ZYG11A: variants seen among roughly 807,000 people sequenced by gnomAD.
ZYG11A encodes protein zyg-11 homolog A.
Under a neutral mutation model 77.2 loss-of-function variants are expected in ZYG11A, and 62 were observed. That is an observed-to-expected ratio of 0.80 (90% CI 0.65 to 0.99). ZYG11A has a LOEUF of 0.99. Among genes scored for constraint, ZYG11A ranks in the 50% least tolerant of loss-of-function variants. ZYG11A has a pLI of 0.00. For missense variants in ZYG11A, 828 were observed against 896.8 expected, an observed-to-expected ratio of 0.92 and a Z score of 0.98; for synonymous variants, 315 against 324.6, an observed-to-expected ratio of 0.97 and a Z score of 0.32.
chr1:52,850,532 C>T (rs1395386412), intron 1 of ZYG11A, among the ~76,000 whole-genome samples: 2 of 151,930 alleles, frequency 1.3e-5, no homozygotes, highest in Non-Finnish European at 1.5e-5. Flanking sequence ...GTTGGCCAGG[C>T]TGGTCTCGAA....
rs386366962 is a variant in ZYG11A, at chr1:52,886,699, A to ATTTTT, written c.2007-233_2007-229dup. On this transcript the variant is annotated intron_variant, in intron 12 of 13. Transcript: ENST00000371528. ...AGGCGTGTGCCACCAGGCCCAGCTA[A>ATTTTT]TTTTTTTTTTTTTTTTTTTTTTTTT... 7.6e-3 allele frequency among the ~76,000 whole-genome samples: 528 copies of ATTTTT among 69,128 alleles called. 93 individuals carry two copies. The highest frequency in any genetic ancestry group is 0.018 in the African/African-American group (278 of 15,540). 45.4% of individuals were successfully genotyped at this position (69,128 alleles called of 152,430 possible). A position where few individuals can be genotyped will look rare whatever the true frequency, so the allele number is the denominator to read the frequency against.
intron 13 of ZYG11A, among the ~76,000 whole-genome samples, chr1:52,890,230 A>AG (rs1266695445): frequency 1.4e-5 from 2 of 146,002 alleles, no homozygotes; most frequent in African/African-American, 5.1e-5. Context: ...AGCATTTGGG[A>AG]GAAAAATATT....
chr1:52,892,993 A>G lies in ZYG11A; in HGVS notation c.*36A>G, dbSNP rs753716842. On this transcript the variant is annotated 3_prime_UTR_variant, in exon 14 of 14. Coordinates refer to ENST00000371528, the MANE Select transcript of ZYG11A (RefSeq NM_001004339.3). The stretch of plus-strand genomic sequence containing the variant: ...TTTCAGAGGTGTGTGCTCTTCCTCA[A>G]TGTCAGGTGTTCTGCCCTGGCAGTA... 44 of 1,532,140 alleles carry G rather than the reference A, an allele frequency of 2.9e-5. No individual in the cohort carries two copies. Among genetic ancestry groups the G allele is most frequent in the South Asian group, 9.6e-5 (8 of 82,906 alleles). 94.9% of individuals were successfully genotyped at this position (1,532,140 alleles called of 1,614,324 possible).
At position 52,866,580 on chromosome 1, in the gene ZYG11A, C is replaced by T; in HGVS notation, c.1391+13C>T. Reference sequence around the variant, plus strand: ...TTCCATTTGACAGGCAAGTATAAGACTTGGTCATTTGACTGGGGTGTTGGC... The same window carrying T: ...TTCCATTTGACAGGCAAGTATAAGATTTGGTCATTTGACTGGGGTGTTGGC... On this transcript the variant is annotated intron_variant, in intron 6 of 13. Transcript: ENST00000371528. The T allele has an allele frequency of 6.6e-7, 1 of 1,516,958 alleles. No individual in the cohort carries two copies. Among genetic ancestry groups the T allele is most frequent in the Non-Finnish European group, 9.0e-7 (1 of 1,116,654 alleles). The allele number at this position is 1,516,958 out of a possible 1,614,324, so 94.0% of individuals were successfully genotyped here. A position where few individuals can be genotyped will look rare whatever the true frequency, so the allele number is the denominator to read the frequency against.
intron 3 of ZYG11A, among the ~76,000 whole-genome samples, chr1:52,859,360 G>C (rs1645878733): frequency 6.6e-6 from 1 of 151,672 alleles, no homozygotes; most frequent in Non-Finnish European, 1.5e-5. Context: ...TTTTGAGACG[G>C]AGTCTTGCTC....
rs932579358 is a variant in ZYG11A at position 52,842,941 on chromosome 1, C to T, written c.58C>T (p.Gln20Ter). 1.3e-6 allele frequency: 2 copies of T among 1,530,002 alleles called. No homozygotes were observed. The highest frequency in any genetic ancestry group is 1.8e-6 in the Non-Finnish European group (2 of 1,138,048). 94.8% of individuals were successfully genotyped at this position (1,530,002 alleles called of 1,614,324 possible). A position where few individuals can be genotyped will look rare whatever the true frequency, so the allele number is the denominator to read the frequency against. The change falls in exon 1 of 14, where the codon CAG becomes TAG. Residue 20 changes from glutamine to a stop codon, truncating the protein, a stop_gained. Coordinates refer to ENST00000371528, the MANE Select transcript of ZYG11A (RefSeq NM_001004339.3). LOFTEE classifies it high-confidence loss of function. ...CCGGAACATCGTCCCTCCTGACGCT[C>T]AGAAGGATGCCCTGGGCTGCTGCGT... ...TPRNIVPPDA[Q>*]KDALGCCVVQ...
intron 8 of ZYG11A, among the ~76,000 whole-genome samples, chr1:52,872,575 T>G (rs1004500666): frequency 6.6e-6 from 1 of 150,606 alleles, no homozygotes; most frequent in Non-Finnish European, 1.5e-5. Flanking sequence ...AATTATATTA[T>G]TTATTATTTA....
intron 8 of ZYG11A, among the ~76,000 whole-genome samples, chr1:52,872,882 C>CAAAAAAAAAA (rs59422649): frequency 8.9e-6 from 1 of 112,168 alleles, no homozygotes; most frequent in Non-Finnish European, 1.7e-5. Flanking sequence ...GACTCTGTCT[C>CAAAAAAAAAA]AAAAAAAAAA....
At chr1:52,884,466 A>C (rs1646413159) in intron 11 of ZYG11A, among the ~76,000 whole-genome samples, 1 of 149,636 alleles carries the variant, frequency 6.7e-6, no homozygotes, top group Admixed American at 6.7e-5. Flanking sequence ...ACTGCACTCC[A>C]GCCTGGGCAA....
intron 11 of ZYG11A, among the ~76,000 whole-genome samples, chr1:52,882,339 G>A (rs1046146287): frequency 6.6e-6 from 1 of 152,142 alleles, no homozygotes; most frequent in Non-Finnish European, 1.5e-5. Context: ...TATACTCAAG[G>A]TATAAATCTT....
chr1:52,872,666 C>T lies in ZYG11A; in HGVS notation c.1542+4889C>T, dbSNP rs543977061. Among the ~76,000 whole-genome samples, 16 of 150,358 alleles carry T rather than the reference C, an allele frequency of 1.1e-4. No homozygotes were observed. The East Asian group carries it at 2.6e-3, about 24-fold the overall frequency. ...GAGGCCAAGGCAGGCAGATCATTTG[C>T]GGTCAAGAGTTTCAGACTAGCCTGG... is the stretch of plus-strand genomic sequence containing the variant. On this transcript the variant is annotated intron_variant, in intron 8 of 13. Transcript: ENST00000371528.
intron 10 of ZYG11A, among the ~76,000 whole-genome samples, chr1:52,880,631 C>T (rs1344366096): frequency 6.6e-6 from 1 of 152,144 alleles, no homozygotes; most frequent in Non-Finnish European, 1.5e-5. Context: ...CTCTCTGGCC[C>T]TGAAGGAGCA....
intron 1 of ZYG11A, among the ~76,000 whole-genome samples, chr1:52,846,941 G>A (rs957761561): frequency 3.3e-5 from 5 of 149,314 alleles, no homozygotes; most frequent in Middle Eastern, 3.5e-3. Flanking sequence ...TCCGCCTCCC[G>A]GGTTCACGCC....
chr1:52,846,602 A>G (rs1311966697), intron 1 of ZYG11A, among the ~76,000 whole-genome samples: 1 of 151,550 alleles, frequency 6.6e-6, no homozygotes, highest in African/African-American at 2.4e-5. Flanking sequence ...TGGCCTCCCA[A>G]AGTACTAGGA....
intron 2 of ZYG11A, among the ~76,000 whole-genome samples, chr1:52,856,088 A>G (rs1485339981): frequency 2.0e-5 from 3 of 152,190 alleles, no homozygotes; most frequent in Admixed American, 6.6e-5. Context: ...GCAGTGTCCA[A>G]GGGTTCTAAT....
At chr1:52,887,956 G>C (rs143760147) in intron 13 of ZYG11A, among the ~76,000 whole-genome samples, 172 of 152,206 alleles carry the variant, frequency 1.1e-3, no homozygotes, top group Non-Finnish European at 2.2e-3. Context: ...TTTTACAACA[G>C]GAAACCCAAG....
Position 52,846,310 on chromosome 1 carries a change from TTATA to T in ZYG11A, c.90+3391_90+3394del, listed in dbSNP as rs869093943. 9.5e-3 allele frequency among the ~76,000 whole-genome samples: 336 copies of T among 35,196 alleles called. 4 individuals are homozygous for T. Among genetic ancestry groups the T allele is most frequent in the Non-Finnish European group, 0.014 (181 of 12,764 alleles). 23.1% of individuals were successfully genotyped at this position (35,196 alleles called of 152,430 possible). ...TTGGAAATCATGGCTTTTTAAATTT[TTATA>T]TATATATATATATATATATATATAT... On this transcript the variant is annotated intron_variant, in intron 1 of 13. Coordinates refer to ENST00000371528, the MANE Select transcript of ZYG11A (RefSeq NM_001004339.3).
Position 52,860,888 on chromosome 1 carries a change from A to T in ZYG11A, c.1149+17A>T, listed in dbSNP as rs1163416017. ...ATTTTAAAGGTAATTGAAGGAAGACAATTTTTACTATTACTTCTTAACTTG... is the reference window on the plus strand; with the variant it reads ...ATTTTAAAGGTAATTGAAGGAAGACTATTTTTACTATTACTTCTTAACTTG... On this transcript the variant is annotated intron_variant, in intron 4 of 13. Transcript: ENST00000371528. 6.5e-7 allele frequency: 1 copy of T among 1,547,298 alleles called. No homozygotes were observed. The highest frequency in any genetic ancestry group is 8.7e-7 in the Non-Finnish European group (1 of 1,144,654).
chr1:52,861,929 C>T (rs1341252034), intron 4 of ZYG11A, among the ~76,000 whole-genome samples: 2 of 152,194 alleles, frequency 1.3e-5, no homozygotes, highest in East Asian at 3.9e-4. Flanking sequence ...TAGCTTCTGG[C>T]TGGGCACCAT....
Sources: gnomAD v4.1 joint callset for allele counts (sites outside exome capture counted in the v4.1 genomes callset) on GRCh38, gnomAD v4.1.1 for gene constraint, MANE v1.5 for transcripts, NCBI Gene and HGNC (gene_info 2026-07-23, HGNC 2026-07-21) for gene names.